The following PLAAT3 variants were observed in gnomAD, a reference collection of about 807,000 sequenced individuals.
The protein encoded by PLAAT3 is phospholipase A and acyltransferase 3.
Under a neutral mutation model 16.7 loss-of-function variants are expected in PLAAT3, and 21 were observed. That is an observed-to-expected ratio of 1.26 (90% CI 0.89 to 1.81). The LOEUF (loss-of-function observed/expected upper bound fraction) is 1.81, where lower values mean the gene tolerates loss of function less well. PLAAT3 is among the 40% of genes most tolerant of loss of function. PLAAT3 has a pLI of 0.00. For missense variants in PLAAT3, 219 were observed against 213.7 expected (o/e 1.02, Z -0.16); for synonymous variants, 76 against 81.7 (o/e 0.93, Z 0.38).
chr11:63,609,650 GAGA>G (rs1288993520), intron 2 of PLAAT3, among the ~76,000 whole-genome samples: 1 of 152,246 alleles, frequency 6.6e-6, no homozygotes, highest in Middle Eastern at 3.2e-3. Context: ...CGGGCAGAGA[GAGA>G]AGGAGGAGGA....
At chr11:63,605,377 G>A (rs935323986) in intron 2 of PLAAT3, among the ~76,000 whole-genome samples, 13 of 151,904 alleles carry the variant, frequency 8.6e-5, no homozygotes, top group Admixed American at 6.6e-5. Flanking sequence ...CAGCCTGGGC[G>A]ACAAGAGCGA....
At chr11:63,599,024 C>A (rs1938360504) in intron 2 of PLAAT3, among the ~76,000 whole-genome samples, 1 of 152,150 alleles carries the variant, frequency 6.6e-6, no homozygotes, top group South Asian at 2.1e-4. Context: ...AGATCCCATC[C>A]ATTCAACATT....
intron 4 of PLAAT3, among the ~76,000 whole-genome samples, chr11:63,588,819 C>T (rs988018018): frequency 5.3e-5 from 8 of 151,962 alleles, no homozygotes; most frequent in South Asian, 4.2e-4. Context: ...GTATAGGAAC[C>T]GCCTAACAAA....
chr11:63,615,050 ATGTG>A (rs1565259535), upstream of PLAAT3, among the ~76,000 whole-genome samples: 16 of 38,888 alleles, frequency 4.1e-4, 3 homozygotes, highest in Admixed American at 1.2e-3. Context: ...ATGTATATAT[ATGTG>A]TATATATATG....
chr11:63,615,268 G>GTA (rs1178974266), upstream of PLAAT3, among the ~76,000 whole-genome samples: 3 of 37,102 alleles, frequency 8.1e-5, no homozygotes, highest in African/African-American at 2.0e-4. Flanking sequence ...ATATATGTGT[G>GTA]TATATATGTG....
chr11:63,612,928 A>G (rs1052968394), intron 2 of PLAAT3, among the ~76,000 whole-genome samples: 5 of 152,212 alleles, frequency 3.3e-5, no homozygotes, highest in Admixed American at 6.5e-5. Context: ...GCTAAAAATA[A>G]TGTTATCAGA....
intron 2 of PLAAT3, among the ~76,000 whole-genome samples, chr11:63,603,103 T>C (rs1028634153): frequency 6.6e-6 from 1 of 152,020 alleles, no homozygotes; most frequent in African/African-American, 2.4e-5. Context: ...AAAAAATAAA[T>C]AAAATAATAA....
chr11:63,576,985 T>C (rs1418751903), intron 4 of PLAAT3, among the ~76,000 whole-genome samples: 1 of 152,222 alleles, frequency 6.6e-6, no homozygotes, highest in Admixed American at 6.5e-5. Flanking sequence ...AATACATATT[T>C]AGCTTAACAA....
intron 2 of PLAAT3, among the ~76,000 whole-genome samples, chr11:63,605,290 C>T (rs1938527421): frequency 1.3e-5 from 2 of 151,798 alleles, no homozygotes; most frequent in African/African-American, 4.8e-5. Context: ...CTCAGCTACT[C>T]GGGAGGCTGA....
intron 4 of PLAAT3, among the ~76,000 whole-genome samples, chr11:63,584,485 A>G (rs1352742186): frequency 2.0e-5 from 3 of 148,976 alleles, no homozygotes; most frequent in African/African-American, 4.9e-5. Context: ...AGGAAATTTG[A>G]TTAATCATAA....
chr11:63,576,891 A>T (rs1266806352), intron 4 of PLAAT3, among the ~76,000 whole-genome samples: 1 of 152,252 alleles, frequency 6.6e-6, no homozygotes, highest in Non-Finnish European at 1.5e-5. Context: ...CACAAGTACC[A>T]CTTGACAGAA....
intron 3 of PLAAT3, among the ~76,000 whole-genome samples, chr11:63,595,292 GAAAAAAAAA>G (rs59751911): frequency 0.046 from 4,036 of 88,440 alleles, 80 homozygotes; most frequent in Middle Eastern, 0.13. Context: ...CTCCGTCTCG[GAAAAAAAAA>G]AAAAAAAAAA....
chr11:63,606,480 ATAATC>A (rs2134429204), intron 2 of PLAAT3, among the ~76,000 whole-genome samples: 1 of 149,838 alleles, frequency 6.7e-6, no homozygotes, highest in African/African-American at 2.4e-5. Flanking sequence ...AAATAAGTAA[ATAATC>A]TAGAATATGA....
At chr11:63,606,319 C>T (rs984138333) in intron 2 of PLAAT3, among the ~76,000 whole-genome samples, 1 of 152,096 alleles carries the variant, frequency 6.6e-6, no homozygotes, top group African/African-American at 2.4e-5. Flanking sequence ...GGCGCGGTGG[C>T]TCACGCCTGT....
intron 2 of PLAAT3, among the ~76,000 whole-genome samples, chr11:63,606,119 CG>C (rs1303718845): frequency 1.3e-5 from 2 of 152,080 alleles, no homozygotes; most frequent in Non-Finnish European, 2.9e-5. Flanking sequence ...AAGCGGCCAA[CG>C]ACACCCCTGG....
intron 2 of PLAAT3, among the ~76,000 whole-genome samples, chr11:63,603,652 G>GA (rs990969793): frequency 7.1e-5 from 8 of 112,746 alleles, no homozygotes; most frequent in Admixed American, 4.6e-4. Context: ...AAAAAGAAAA[G>GA]AAAAAAAAAC....
At chr11:63,580,427 G>A (rs1474703956) in intron 4 of PLAAT3, among the ~76,000 whole-genome samples, 3 of 152,206 alleles carry the variant, frequency 2.0e-5, no homozygotes, top group Admixed American at 6.5e-5. Flanking sequence ...AGGCCGAGGA[G>A]GGTGGATCAC....
In PLAAT3 at chr11:63,613,992, G is replaced by A. The variant is rs779944834; in HGVS notation, c.15+8C>T. On this transcript the variant is annotated splice_region_variant and intron_variant, in intron 2 of 4. Transcript: ENST00000415826. ...GCCCCGCCCAGCCCCGCCTCGCCCC[G>A]CACTTACAATGGGCGCACGCATCTT... The A allele has an allele frequency of 1.6e-6, 2 of 1,250,962 alleles. No homozygotes were observed. Among genetic ancestry groups the A allele is most frequent in the Non-Finnish European group, 1.2e-6 (1 of 848,864 alleles). The allele number at this position is 1,250,962 out of a possible 1,614,324, so 77.5% of individuals were successfully genotyped here.
chr11:63,575,958 T>C (rs1360577811), intron 4 of PLAAT3, among the ~76,000 whole-genome samples: 1 of 152,132 alleles, frequency 6.6e-6, no homozygotes, highest in Non-Finnish European at 1.5e-5. Context: ...GAGGGTACAA[T>C]AGAAGGCTTA....
Sources: allele counts gnomAD v4.1 joint callset (sites outside exome capture counted in the v4.1 genomes callset), GRCh38; gene constraint gnomAD v4.1.1; transcripts MANE v1.5; gene names NCBI Gene and HGNC (gene_info 2026-07-23, HGNC 2026-07-21).